The following NEGR1 variants were observed in gnomAD, a reference collection of about 807,000 sequenced individuals.
NEGR1 encodes the protein IgLON family member 4.
Under a neutral mutation model 40.9 loss-of-function variants are expected in NEGR1, and 10 were observed. The observed-to-expected ratio is 0.24, with a 90% CI of 0.15 to 0.42. NEGR1 has a LOEUF of 0.42. Ranked by LOEUF, NEGR1 falls within the 10% of genes least tolerant of loss-of-function variation. The pLI, the probability that NEGR1 is intolerant of heterozygous loss-of-function variation, is 1.00. For missense variants in NEGR1, 352 were observed against 438.9 expected (o/e 0.80, Z 1.77); for synonymous variants, 185 against 166.8 (o/e 1.11, Z -0.84).
intron 2 of NEGR1, chr1:71,798,023 T>C (rs147923503): frequency 6.6e-6 from 1 of 152,166 alleles, no homozygotes; most frequent in African/African-American, 2.4e-5. Context: ...TTCTTTAACA[T>C]TGGCCAACAG....
intron 6 of NEGR1, among the ~76,000 whole-genome samples, chr1:71,544,442 G>A (rs1480431540): frequency 6.6e-6 from 1 of 151,590 alleles, no homozygotes; most frequent in African/African-American, 2.4e-5. Flanking sequence ...ATCTAACAGT[G>A]TGACATTGAG....
At chr1:71,581,671 T>C (rs1649138440) in intron 6 of NEGR1, among the ~76,000 whole-genome samples, 1 of 151,384 alleles carries the variant, frequency 6.6e-6, no homozygotes. Context: ...CATATTTTCT[T>C]ACTATTTGTA....
At chr1:72,206,046 T>C (rs1653387153) in intron 1 of NEGR1, among the ~76,000 whole-genome samples, 1 of 151,300 alleles carries the variant, frequency 6.6e-6, no homozygotes, top group South Asian at 2.1e-4. Context: ...ATATCTACTA[T>C]CTGGGGTACA....
At chr1:72,157,932 G>C (rs1227219353) in intron 1 of NEGR1, among the ~76,000 whole-genome samples, 5 of 152,128 alleles carry the variant, frequency 3.3e-5, no homozygotes, top group Admixed American at 6.6e-5. Flanking sequence ...GGTGGTAGCT[G>C]TTGTCAGTGC....
chr1:71,894,385 C>A (rs1389591389), intron 2 of NEGR1, among the ~76,000 whole-genome samples: 1 of 152,132 alleles, frequency 6.6e-6, no homozygotes, highest in African/African-American at 2.4e-5. Flanking sequence ...CTCTTTGAAG[C>A]ACTCTTCTAA....
intron 3 of NEGR1, among the ~76,000 whole-genome samples, chr1:71,722,282 C>T (rs1654534642): frequency 6.6e-6 from 1 of 152,050 alleles, no homozygotes; most frequent in South Asian, 2.1e-4. Context: ...AGACCACCTC[C>T]TCCGTTTCCT....
At chr1:71,610,296 A>G (rs773025440) in intron 5 of NEGR1, among the ~76,000 whole-genome samples, 66 of 152,198 alleles carry the variant, frequency 4.3e-4, no homozygotes, top group Admixed American at 1.2e-3. Flanking sequence ...CGCAGACTCT[A>G]TACAGTTCAC....
intron 3 of NEGR1, among the ~76,000 whole-genome samples, chr1:71,712,923 A>G (rs1209913144): frequency 6.6e-6 from 1 of 152,168 alleles, no homozygotes; most frequent in Non-Finnish European, 1.5e-5. Context: ...ACATTCTGCC[A>G]CAATTGTAAG....
At chr1:72,081,702 G>C (rs1482478383) in intron 1 of NEGR1, among the ~76,000 whole-genome samples, 1 of 152,040 alleles carries the variant, frequency 6.6e-6, no homozygotes, top group Admixed American at 6.6e-5. Flanking sequence ...TGAAAAAACT[G>C]AGGCCTAGAA....
rs41289154 is a variant in NEGR1, at chr1:71,407,471, T to G, written c.1040A>C (p.Tyr347Ser). Residue 347 changes from tyrosine to serine, a missense_variant, in exon 7 of 7, where the codon TAC becomes TCC. By Grantham distance (144) the Tyr-to-Ser change is moderately radical. Coordinates refer to ENST00000357731, the MANE Select transcript of NEGR1 (RefSeq NM_173808.3). ...TTATTGTAGAATGGCATTCTTCAGG[T>G]AGAATATGCTGGTGAAAGAGGACAG... Reference protein sequence around the residue: ...LTLSSFTSIFYLKNAILQ With the variant: ...LTLSSFTSIFSLKNAILQ 0.033 allele frequency: 52,782 copies of G among 1,611,712 alleles called. 1,141 individuals are homozygous for G. The highest frequency in any genetic ancestry group is 0.036 in the Non-Finnish European group (42,982 of 1,178,182).
intron 6 of NEGR1, among the ~76,000 whole-genome samples, chr1:71,560,429 T>TTATATATATCTATATATATA (rs1648411192): frequency 8.8e-6 from 1 of 114,266 alleles, no homozygotes; most frequent in Non-Finnish European, 1.8e-5. Flanking sequence ...TAATTCTCCA[T>TTATATATATCTATATATATA]TATATATATA....
At chr1:72,039,078 A>G (rs1161671941) in intron 1 of NEGR1, among the ~76,000 whole-genome samples, 1 of 152,044 alleles carries the variant, frequency 6.6e-6, no homozygotes, top group Non-Finnish European at 1.5e-5. Flanking sequence ...GGAAATGGCC[A>G]TTTTAAACCT....
intron 2 of NEGR1, among the ~76,000 whole-genome samples, chr1:71,825,846 G>C (rs1261430379): frequency 6.6e-6 from 1 of 151,868 alleles, no homozygotes; most frequent in African/African-American, 2.4e-5. Context: ...AGCTAAACAA[G>C]TTAGAACGTC....
intron 1 of NEGR1, among the ~76,000 whole-genome samples, chr1:72,143,112 T>A (rs12083421): frequency 0.24 from 36,734 of 151,860 alleles, 4,781 homozygotes; most frequent in East Asian, 0.34. Flanking sequence ...AAATAAATTA[T>A]TTCTCTGTTT....
At chr1:71,442,739 C>T (rs1194353754) in intron 6 of NEGR1, among the ~76,000 whole-genome samples, 1 of 152,136 alleles carries the variant, frequency 6.6e-6, no homozygotes, top group Non-Finnish European at 1.5e-5. Flanking sequence ...GTTGAAAAAG[C>T]TTAAGACAAA....
At chr1:71,432,660 C>T (rs190662220) in intron 6 of NEGR1, among the ~76,000 whole-genome samples, 3 of 152,226 alleles carry the variant, frequency 2.0e-5, no homozygotes, top group Non-Finnish European at 4.4e-5. Flanking sequence ...AAGATAAAGA[C>T]TGACTCCAAG....
chr1:72,057,555 G>A (rs1026064644), intron 1 of NEGR1, among the ~76,000 whole-genome samples: 2 of 151,436 alleles, frequency 1.3e-5, no homozygotes, highest in African/African-American at 4.8e-5. Context: ...ACAGCTGGCA[G>A]GACATAAGGA....
In NEGR1 at chr1:71,912,279, C is replaced by T. The variant is rs1039738401; in HGVS notation, c.409+22800G>A. Reference sequence around the variant, plus strand: ...CCTTCCTCCTAGTCTCTTCCTCCATCTTCAAAGTTTTCAATAGGGAGTAAG... The same window carrying T: ...CCTTCCTCCTAGTCTCTTCCTCCATTTTCAAAGTTTTCAATAGGGAGTAAG... On this transcript the variant is annotated intron_variant, in intron 2 of 6. Transcript: ENST00000357731. Among the ~76,000 whole-genome samples, 3 of 152,144 alleles carry T rather than the reference C, an allele frequency of 2.0e-5. No homozygotes were observed. In the South Asian group the frequency reaches 6.2e-4, roughly 31 times the overall value.
chr1:72,067,717 GA>G (rs112631946), intron 1 of NEGR1, among the ~76,000 whole-genome samples: 2,716 of 151,552 alleles, frequency 0.018, 35 homozygotes, highest in Non-Finnish European at 0.027. Flanking sequence ...CATACTGGGG[GA>G]AAAAAAACTG....
Sources: gnomAD v4.1 joint callset for allele counts (sites outside exome capture counted in the v4.1 genomes callset) on GRCh38, gnomAD v4.1.1 for gene constraint, MANE v1.5 for transcripts, NCBI Gene and HGNC (gene_info 2026-07-23, HGNC 2026-07-21) for gene names.